The following RPH3AL variants were observed in gnomAD, a reference collection of about 807,000 sequenced individuals.
RPH3AL encodes rabphilin 3A like (without C2 domains).
A neutral mutation model predicts 43.1 loss-of-function variants in RPH3AL; 38 were observed. That is an observed-to-expected ratio of 0.88 (90% CI 0.68 to 1.15). The LOEUF (loss-of-function observed/expected upper bound fraction) is 1.15, where lower values mean the gene tolerates loss of function less well. Ranked by LOEUF, RPH3AL falls within the 50% of genes most tolerant of loss-of-function variation. The pLI, the probability that RPH3AL is intolerant of heterozygous loss-of-function variation, is 0.00. For synonymous variants in RPH3AL, 189 were observed against 176.3 expected, an observed-to-expected ratio of 1.07 and a Z score of -0.57; for missense variants, 462 against 423.2, an observed-to-expected ratio of 1.09 and a Z score of -0.81.
intron 6 of RPH3AL, among the ~76,000 whole-genome samples, chr17:258,165 T>C (rs1555545035): frequency 1.3e-5 from 2 of 152,196 alleles, no homozygotes; most frequent in African/African-American, 2.4e-5. Context: ...CGTGGGGTGC[T>C]TCCCCCTTTT....
intron 2 of RPH3AL, chr17:332,816 C>T (rs764510099): frequency 4.2e-5 from 15 of 353,576 alleles, no homozygotes; most frequent in African/African-American, 1.1e-4. Context: ...GGTGCCACCT[C>T]GACCCCGCCG....
At chr17:302,030 G>A (rs553542090) in intron 5 of RPH3AL, among the ~76,000 whole-genome samples, 7 of 152,290 alleles carry the variant, frequency 4.6e-5, no homozygotes, top group African/African-American at 7.2e-5. Context: ...GACTCACTAC[G>A]GCCTGAGCCA....
intron 5 of RPH3AL, among the ~76,000 whole-genome samples, chr17:313,272 G>A (rs1051318642): frequency 6.6e-6 from 1 of 152,106 alleles, no homozygotes; most frequent in Non-Finnish European, 1.5e-5. Flanking sequence ...CACTAGGGTC[G>A]TCTCTTAAAA....
Position 344,857 on chromosome 17 carries a change from A to T in RPH3AL, c.-213+7855T>A, listed in dbSNP as rs1055054854. Among the ~76,000 whole-genome samples, 3 of 135,960 alleles carry T rather than the reference A, an allele frequency of 2.2e-5. 1 individual carries two copies. Among genetic ancestry groups the T allele is most frequent in the African/African-American group, 7.6e-5 (3 of 39,700 alleles). The allele number at this position is 135,960 out of a possible 152,430, so 89.2% of individuals were successfully genotyped here. On this transcript the variant is annotated intron_variant, in intron 1 of 9. Transcript: ENST00000331302. ...ATCATCCTCTTCTGTATTGGGGGAA[A>T]TGCCCAGAGGGGCTCATATCTGGGC...
Position 323,066 on chromosome 17 carries a change from T to C in RPH3AL, c.78-1651A>G, listed in dbSNP as rs2044524010. 6.6e-6 allele frequency among the ~76,000 whole-genome samples: 1 copy of C among 152,036 alleles called. No homozygotes were observed. On this transcript the variant is annotated intron_variant, in intron 3 of 9. Transcript: ENST00000331302. This position sits in a 1 kb window ranked among gnomAD's most constrained non-coding sequence, Gnocchi z 4.4. ...GCCTGCAAATGGTCGTTAATAGTGA[T>C]AACTGTAATTATCATGGGGAGGGCT...
At chr17:326,177 G>A (rs372650220) in intron 3 of RPH3AL, among the ~76,000 whole-genome samples, 192 of 152,374 alleles carry the variant, frequency 1.3e-3, no homozygotes, top group African/African-American at 4.3e-3. Context: ...CACCCACTGC[G>A]GGGGCCGCAT....
intron 5 of RPH3AL, among the ~76,000 whole-genome samples, chr17:302,524 A>C (rs2043354139): frequency 1.3e-5 from 2 of 152,218 alleles, no homozygotes; most frequent in South Asian, 4.1e-4. Flanking sequence ...CATCGGAGCC[A>C]CACTGCAGAG....
intron 7 of RPH3AL, among the ~76,000 whole-genome samples, chr17:243,002 A>C (rs367611059): frequency 0.016 from 1,252 of 76,450 alleles, 11 homozygotes; most frequent in Middle Eastern, 0.022. Flanking sequence ...CCTCTATTGA[A>C]TACCTTCCTC....
At position 259,855 on chromosome 17, in the gene RPH3AL, C is replaced by G. The variant is rs547656347; in HGVS notation, c.439-12570G>C. Among the ~76,000 whole-genome samples, 3 of 152,342 alleles carry G rather than the reference C, an allele frequency of 2.0e-5. No individual in the cohort carries two copies. The South Asian group carries it at 6.2e-4, about 32-fold the overall frequency. On this transcript the variant is annotated intron_variant, in intron 6 of 9. Transcript: ENST00000331302. ...TCTCATGGATATTCGCCAAGCTGTTCCCAGGGAATTTTAATTACCATGATA... is the reference window on the plus strand; with the variant it reads ...TCTCATGGATATTCGCCAAGCTGTTGCCAGGGAATTTTAATTACCATGATA...
chr17:314,041 G>C (rs1408128221), intron 5 of RPH3AL, among the ~76,000 whole-genome samples: 1 of 152,198 alleles, frequency 6.6e-6, no homozygotes, highest in Non-Finnish European at 1.5e-5. Flanking sequence ...CACAGCTCCA[G>C]AGTAGCGTGG....
intron 6 of RPH3AL, among the ~76,000 whole-genome samples, chr17:252,554 C>T (rs558283379): frequency 4.6e-5 from 7 of 152,284 alleles, no homozygotes; most frequent in Admixed American, 2.0e-4. Flanking sequence ...ACTTCTCCAT[C>T]ATCGTTTTTC....
chr17:268,820 T>C (rs1035719947), intron 6 of RPH3AL, among the ~76,000 whole-genome samples: 22 of 152,196 alleles, frequency 1.4e-4, no homozygotes, highest in African/African-American at 4.8e-4. Context: ...CGCCTCAGCC[T>C]CCTGAGTAGC....
chr17:259,699 C>A (rs2042154062), intron 6 of RPH3AL, among the ~76,000 whole-genome samples: 1 of 152,202 alleles, frequency 6.6e-6, no homozygotes, highest in Non-Finnish European at 1.5e-5. Context: ...AGAAAAGACC[C>A]ACAGCCGCCG....
At chr17:269,068 C>T (rs556786319) in intron 6 of RPH3AL, among the ~76,000 whole-genome samples, 25 of 152,062 alleles carry the variant, frequency 1.6e-4, no homozygotes, top group Non-Finnish European at 2.8e-4. Flanking sequence ...TTAGTAGAGA[C>T]GGGGTTTCAC....
intron 6 of RPH3AL, among the ~76,000 whole-genome samples, chr17:269,907 C>T (rs1420090208): frequency 6.6e-6 from 1 of 152,174 alleles, no homozygotes; most frequent in Non-Finnish European, 1.5e-5. Context: ...GATGGGATGG[C>T]TCAGTCCATC....
chr17:284,022 G>A lies in RPH3AL; in HGVS notation c.352-2168C>T, dbSNP rs1377917528. On this transcript the variant is annotated intron_variant, in intron 5 of 9. Transcript: ENST00000331302. The stretch of plus-strand genomic sequence containing the variant: ...ACCATCCCTGTGTACACTGTAACAG[G>A]TGGAAACAAGTGTGGCCCTCAGAGA... Among the ~76,000 whole-genome samples, 5 of 152,214 alleles carry A rather than the reference G, an allele frequency of 3.3e-5. No individual in the cohort carries two copies. In the East Asian group the frequency reaches 7.7e-4, roughly 23 times the overall value.
At chr17:230,891 G>T (rs938696092) in intron 7 of RPH3AL, among the ~76,000 whole-genome samples, 2 of 152,090 alleles carry the variant, frequency 1.3e-5, no homozygotes, top group African/African-American at 4.8e-5. Context: ...TCGCTATGTT[G>T]TCCAGGTTGG....
intron 7 of RPH3AL, among the ~76,000 whole-genome samples, chr17:230,625 G>A (rs1241557104): frequency 6.6e-6 from 1 of 152,220 alleles, no homozygotes; most frequent in East Asian, 1.9e-4. Context: ...CAGGGGACAT[G>A]GCCTGGTCTG....
At chr17:275,842 C>T (rs2042643226) in intron 6 of RPH3AL, among the ~76,000 whole-genome samples, 1 of 152,194 alleles carries the variant, frequency 6.6e-6, no homozygotes, top group Admixed American at 6.5e-5. Flanking sequence ...CCACCATGCC[C>T]AGGCTTATTC....
Sources: gnomAD v4.1 joint callset for allele counts (sites outside exome capture counted in the v4.1 genomes callset) on GRCh38, gnomAD v4.1.1 for gene constraint, Gnocchi (gnomAD v3.1) non-coding constraint, MANE v1.5 for transcripts, NCBI Gene and HGNC (gene_info 2026-07-23, HGNC 2026-07-21) for gene names.